RASGRF1: variants seen among roughly 807,000 people sequenced by gnomAD.
RASGRF1 encodes the protein Ras protein specific guanine nucleotide releasing factor 1, also known as ras-specific guanine nucleotide-releasing factor 1.
In RASGRF1, 40 loss-of-function variants were observed where a neutral mutation model predicts 138.7. The ratio of observed to expected loss-of-function variants is 0.29; its 90% CI spans 0.22 to 0.38. RASGRF1 has a LOEUF of 0.38. RASGRF1 is among the 10% of genes least tolerant of loss of function. RASGRF1 has a pLI of 1.00. For synonymous variants in RASGRF1, 614 were observed against 663.2 expected (o/e 0.93, Z 1.14); for missense variants, 1,108 against 1,650.4 (o/e 0.67, Z 5.69).
intron 8 of RASGRF1, among the ~76,000 whole-genome samples, chr15:79,029,607 T>C (rs1261936522): frequency 1.3e-5 from 2 of 151,936 alleles, no homozygotes; most frequent in East Asian, 1.9e-4. Flanking sequence ...GCAGAGAATA[T>C]AGGGGTCAGG....
chr15:78,981,865 G>A (rs995794335), intron 23 of RASGRF1, among the ~76,000 whole-genome samples: 9 of 152,196 alleles, frequency 5.9e-5, no homozygotes, highest in African/African-American at 1.9e-4. Flanking sequence ...TCTGCTGTCC[G>A]ATGACTGGCA....
chr15:79,004,612 T>G (rs1833482571), intron 14 of RASGRF1: 1 of 984,554 alleles, frequency 1.0e-6, no homozygotes, highest in Non-Finnish European at 1.2e-6. Flanking sequence ...AAATGACTCA[T>G]CTGATGCCTC....
intron 19 of RASGRF1, among the ~76,000 whole-genome samples, chr15:78,996,841 C>T (rs1183203567): frequency 2.0e-5 from 3 of 152,172 alleles, no homozygotes; most frequent in Admixed American, 6.5e-5. Flanking sequence ...GAAGAATGGG[C>T]CCCAGCATGG....
intron 2 of RASGRF1, among the ~76,000 whole-genome samples, chr15:79,061,678 T>G (rs1298547597): frequency 2.6e-5 from 4 of 152,148 alleles, no homozygotes; most frequent in Non-Finnish European, 5.9e-5. Context: ...AAATATCATG[T>G]ACTATTTTGT....
intron 6 of RASGRF1, among the ~76,000 whole-genome samples, chr15:79,034,583 A>G (rs952057985): frequency 4.6e-5 from 7 of 152,232 alleles, no homozygotes; most frequent in African/African-American, 1.4e-4. Flanking sequence ...ATGGTTAGAT[A>G]AATGACAGTG....
chr15:79,066,388 G>A (rs925697087), intron 1 of RASGRF1, among the ~76,000 whole-genome samples: 1 of 152,216 alleles, frequency 6.6e-6, no homozygotes. Flanking sequence ...AGACAAAAAG[G>A]CAAAGTCCCC....
chr15:78,971,679 G>A (rs2055762989), intron 26 of RASGRF1, among the ~76,000 whole-genome samples, 187 bp downstream of exon 26: 1 of 152,206 alleles, frequency 6.6e-6, no homozygotes, highest in African/African-American at 2.4e-5. Context: ...AGAGTCACAA[G>A]ATGAACACAG....
intron 24 of RASGRF1, among the ~76,000 whole-genome samples, chr15:78,978,220 G>GTTTTTTTTTTTTTTTTTTTTTTTTTTTTT: frequency 8.0e-6 from 1 of 125,098 alleles, no homozygotes; most frequent in South Asian, 2.3e-4. Flanking sequence ...CTTTTCTTTT[G>GTTTTTTTTTTTTTTTTTTTTTTTTTTTTT]TTTTTTTTTT....
At chr15:79,039,483 A>G (rs1297698725) in intron 5 of RASGRF1, among the ~76,000 whole-genome samples, 1 of 152,064 alleles carries the variant, frequency 6.6e-6, no homozygotes, top group Non-Finnish European at 1.5e-5. Context: ...GTTGTTTTTT[A>G]AGAACATTAT....
Position 79,046,552 on chromosome 15 carries a change from C to T in RASGRF1, c.878+194G>A, listed in dbSNP as rs1186192022. Among the ~76,000 whole-genome samples the T allele has an allele frequency of 1.3e-5, 2 of 152,220 alleles. No homozygotes were observed. Among genetic ancestry groups the T allele is most frequent in the Admixed American group, 6.5e-5 (1 of 15,288 alleles). Reference sequence around the variant, plus strand: ...TTTGGACCTATACTTTGTGAGCCTACATTTGTGCCCCTGCCCCAGACCCCA... The same window carrying T: ...TTTGGACCTATACTTTGTGAGCCTATATTTGTGCCCCTGCCCCAGACCCCA... On this transcript the variant is annotated intron_variant, in intron 5 of 26. Transcript: ENST00000558480. This position sits in a 1 kb window ranked among gnomAD's most constrained non-coding sequence, Gnocchi z 5.3.
chr15:79,000,145 A>C (rs1454486447), intron 16 of RASGRF1, among the ~76,000 whole-genome samples: 1 of 151,832 alleles, frequency 6.6e-6, no homozygotes, highest in Non-Finnish European at 1.5e-5. Flanking sequence ...TGGGGAGCAC[A>C]CTCCTGCTTC....
At position 79,065,187 on chromosome 15, in the gene RASGRF1, T is replaced by C. The variant is rs534859317; in HGVS notation, c.277-661A>G. On this transcript the variant is annotated intron_variant, in intron 1 of 26. Coordinates refer to ENST00000558480, the MANE Select transcript of RASGRF1 (RefSeq NM_001145648.3). ...TAAGCACTGTAATTGCTGTAATTAATGTGGTGTGATCACTACTGTCATGGA... is the reference window on the plus strand; with the variant it reads ...TAAGCACTGTAATTGCTGTAATTAACGTGGTGTGATCACTACTGTCATGGA... Among the ~76,000 whole-genome samples the C allele has an allele frequency of 3.9e-5, 6 of 152,342 alleles. No homozygotes were observed. In the South Asian group the frequency reaches 1.2e-3, roughly 32 times the overall value.
intron 8 of RASGRF1, among the ~76,000 whole-genome samples, chr15:79,028,114 A>G (rs1431757221): frequency 6.6e-6 from 1 of 152,144 alleles, no homozygotes; most frequent in Non-Finnish European, 1.5e-5. Flanking sequence ...GAAAAAAGAA[A>G]ACTGAAGTCA....
At chr15:79,004,957 C>T in intron 14 of RASGRF1, 1 of 984,806 alleles carries the variant, frequency 1.0e-6, no homozygotes, top group South Asian at 4.7e-5. Context: ...CAGCCAAGGC[C>T]ATAGGGCTGA....
chr15:79,016,813 G>A (rs917079486), intron 12 of RASGRF1, among the ~76,000 whole-genome samples: 1 of 152,184 alleles, frequency 6.6e-6, no homozygotes, highest in Non-Finnish European at 1.5e-5. Flanking sequence ...AACCAAGAAG[G>A]TGGGGAGCAA....
chr15:79,012,020 A>G (rs78300145), intron 13 of RASGRF1, among the ~76,000 whole-genome samples: 4 of 144,304 alleles, frequency 2.8e-5, no homozygotes, highest in African/African-American at 7.7e-5. Flanking sequence ...TGTCTCAAAG[A>G]AAAAAAAAAA....
chr15:79,054,802 A>G (rs1222307137), intron 3 of RASGRF1, among the ~76,000 whole-genome samples: 1 of 152,204 alleles, frequency 6.6e-6, no homozygotes, highest in Non-Finnish European at 1.5e-5. Context: ...TAGTGACCAC[A>G]CAAGGGGAAA....
rs184862824 is a variant in RASGRF1, at chr15:78,963,595, C to G, written c.3682-1359G>C. On this transcript the variant is annotated intron_variant, in intron 26 of 26. Transcript: ENST00000558480. ...GGGATTACAGGTGCGAGCCACCGTGCCTGGCCAAATTTTCTTATTATATGT... is the reference window on the plus strand; with the variant it reads ...GGGATTACAGGTGCGAGCCACCGTGGCTGGCCAAATTTTCTTATTATATGT... Among the ~76,000 whole-genome samples the G allele has an allele frequency of 6.6e-4, 100 of 152,246 alleles. 1 individual carries two copies. The highest frequency in any genetic ancestry group is 2.3e-3 in the African/African-American group (95 of 41,534).
At chr15:79,064,264 G>A (rs2057646572) in intron 2 of RASGRF1, among the ~76,000 whole-genome samples, 156 bp downstream of exon 2, 1 of 152,206 alleles carries the variant, frequency 6.6e-6, no homozygotes, top group Non-Finnish European at 1.5e-5. Flanking sequence ...CAGAGGTGCA[G>A]GATGTAAGGG....
Sources: gnomAD v4.1 joint callset for allele counts (sites outside exome capture counted in the v4.1 genomes callset) on GRCh38, gnomAD v4.1.1 for gene constraint, Gnocchi (gnomAD v3.1) non-coding constraint, MANE v1.5 for transcripts, NCBI Gene and HGNC (gene_info 2026-07-23, HGNC 2026-07-21) for gene names.